FHIT: variants seen among roughly 807,000 people sequenced by gnomAD.
The protein encoded by FHIT is bis(5'-adenosyl)-triphosphatase.
FHIT carries 19 observed loss-of-function variants against 17.9 expected under a neutral mutation model. That is an observed-to-expected ratio of 1.06 (90% CI 0.74 to 1.56). The LOEUF (loss-of-function observed/expected upper bound fraction) is 1.56, where lower values mean the gene tolerates loss of function less well. FHIT is among the 40% of genes most tolerant of loss of function. The pLI, the probability that FHIT is intolerant of heterozygous loss-of-function variation, is 0.00. For synonymous variants in FHIT, 81 were observed against 69.7 expected (o/e 1.16, Z -0.81); for missense variants, 248 against 189.2 (o/e 1.31, Z -1.82).
chr3:61,061,057 C>T (rs939217908), intron 2 of FHIT, among the ~76,000 whole-genome samples: 1 of 152,156 alleles, frequency 6.6e-6, no homozygotes, highest in Admixed American at 6.5e-5. Context: ...CAGAATGTTC[C>T]AGCCCTTTGA....
At chr3:61,203,515 G>A (rs533967103) in intron 1 of FHIT, among the ~76,000 whole-genome samples, 6 of 152,186 alleles carry the variant, frequency 3.9e-5, no homozygotes, top group South Asian at 4.1e-4. Context: ...TTGAATAAGC[G>A]GGAATTTATC....
chr3:60,235,455 C>T (rs1437123200), intron 5 of FHIT, among the ~76,000 whole-genome samples: 1 of 152,136 alleles, frequency 6.6e-6, no homozygotes, highest in East Asian at 1.9e-4. Context: ...TGGTCTCGAA[C>T]TCCTGACCTC....
intron 4 of FHIT, among the ~76,000 whole-genome samples, chr3:60,598,642 TATC>T (rs1427836521): frequency 6.6e-6 from 1 of 152,204 alleles, no homozygotes; most frequent in Non-Finnish European, 1.5e-5. Flanking sequence ...CCTCGCATAT[TATC>T]AGCACCAAAA....
chr3:60,950,310 C>G (rs1708821071), intron 3 of FHIT, among the ~76,000 whole-genome samples: 1 of 152,116 alleles, frequency 6.6e-6, no homozygotes, highest in Non-Finnish European at 1.5e-5. Context: ...ACAGTAGATA[C>G]TGTAATATCA....
At chr3:60,831,308 A>G (rs898336094) in intron 3 of FHIT, among the ~76,000 whole-genome samples, 2 of 152,200 alleles carry the variant, frequency 1.3e-5, no homozygotes, top group Non-Finnish European at 2.9e-5. Context: ...AGTTCTTCTC[A>G]TGGTTCTCAA....
chr3:60,284,875 ATTAT>A (rs1382447745), intron 5 of FHIT, among the ~76,000 whole-genome samples: 1 of 152,098 alleles, frequency 6.6e-6, no homozygotes, highest in African/African-American at 2.4e-5. Flanking sequence ...CCACTCAAGG[ATTAT>A]TTAATTCTCT....
intron 5 of FHIT, among the ~76,000 whole-genome samples, chr3:60,427,603 T>C (rs924085502): frequency 1.3e-5 from 2 of 152,142 alleles, no homozygotes; most frequent in African/African-American, 4.8e-5. Flanking sequence ...CTGTTTTTTC[T>C]TGATCCAACA....
At chr3:60,323,514 T>C (rs1404845342) in intron 5 of FHIT, among the ~76,000 whole-genome samples, 1 of 152,036 alleles carries the variant, frequency 6.6e-6, no homozygotes, top group Non-Finnish European at 1.5e-5. Flanking sequence ...TGGTACAACA[T>C]CGCCCTGCAG....
intron 1 of FHIT, among the ~76,000 whole-genome samples, chr3:61,213,180 TA>T (rs2039546661): frequency 6.6e-6 from 1 of 152,204 alleles, no homozygotes; most frequent in Admixed American, 6.5e-5. Flanking sequence ...GTAAATGGAC[TA>T]AATGTTCCAA....
intron 5 of FHIT, among the ~76,000 whole-genome samples, chr3:60,357,653 C>A (rs1699730291): frequency 6.6e-6 from 1 of 152,148 alleles, no homozygotes; most frequent in Non-Finnish European, 1.5e-5. Flanking sequence ...AGCCAGGAAG[C>A]TTAATCCAAC....
intron 5 of FHIT, among the ~76,000 whole-genome samples, chr3:60,065,283 G>C (rs555118067): frequency 1.2e-4 from 19 of 152,280 alleles, no homozygotes; most frequent in African/African-American, 4.6e-4. Flanking sequence ...TTTGGGATCA[G>C]CCATGCTCCT....
At chr3:61,238,985 G>A (rs764342509) in intron 1 of FHIT, among the ~76,000 whole-genome samples, 1 of 152,156 alleles carries the variant, frequency 6.6e-6, no homozygotes, top group Non-Finnish European at 1.5e-5. Context: ...AAGGAATTGG[G>A]TTATACAAAT....
intron 5 of FHIT, among the ~76,000 whole-genome samples, chr3:60,156,066 A>T (rs1700675160): frequency 6.6e-6 from 1 of 152,112 alleles, no homozygotes; most frequent in Non-Finnish European, 1.5e-5. Flanking sequence ...AAAAAAGATC[A>T]TTTAGGGCCG....
chr3:60,506,857 G>A (rs962585814), intron 5 of FHIT, among the ~76,000 whole-genome samples: 12 of 152,178 alleles, frequency 7.9e-5, no homozygotes, highest in Admixed American at 6.5e-4. Flanking sequence ...GAATGATGTT[G>A]TTGTAAACTA....
chr3:60,774,881 G>A (rs1206545254), intron 4 of FHIT, among the ~76,000 whole-genome samples: 1 of 152,060 alleles, frequency 6.6e-6, no homozygotes, highest in Non-Finnish European at 1.5e-5. Context: ...TGCTCAAAAT[G>A]GCATGCATTT....
chr3:59,895,568 A>G (rs1259662702), intron 8 of FHIT, among the ~76,000 whole-genome samples: 1 of 152,186 alleles, frequency 6.6e-6, no homozygotes, highest in South Asian at 2.1e-4. Flanking sequence ...TCTTCCCTAG[A>G]GAAGTAACTG....
At chr3:61,203,107 G>A (rs1335790377) in intron 1 of FHIT, among the ~76,000 whole-genome samples, 2 of 151,526 alleles carry the variant, frequency 1.3e-5, no homozygotes, top group Non-Finnish European at 2.9e-5. Context: ...GTGAACCTGG[G>A]AGGCGGGGCT....
chr3:59,969,706 G>C (rs1220993162), intron 7 of FHIT, among the ~76,000 whole-genome samples: 2 of 152,032 alleles, frequency 1.3e-5, no homozygotes, highest in East Asian at 3.9e-4. Flanking sequence ...CCCTCAATGG[G>C]CACAAATTCA....
At chr3:59,935,517 C>T (rs759480194) in intron 7 of FHIT, among the ~76,000 whole-genome samples, 12 of 152,160 alleles carry the variant, frequency 7.9e-5, no homozygotes, top group Non-Finnish European at 1.3e-4. Context: ...GTTTTCTCTT[C>T]CACTAGTCTG....
Sources: gnomAD v4.1 joint callset for allele counts (sites outside exome capture counted in the v4.1 genomes callset) on GRCh38, gnomAD v4.1.1 for gene constraint, MANE v1.5 for transcripts, NCBI Gene and HGNC (gene_info 2026-07-23, HGNC 2026-07-21) for gene names.